The following CPEB1 variants were observed in gnomAD, a reference collection of about 807,000 sequenced individuals.
The protein encoded by CPEB1 is cytoplasmic polyadenylation element-binding protein 1.
In CPEB1, 7 loss-of-function variants were observed where a neutral mutation model predicts 65.8. The observed-to-expected ratio is 0.11, with a 90% confidence interval of 0.06 to 0.20. CPEB1 has a LOEUF of 0.20. Among genes scored for constraint, CPEB1 ranks in the 10% least tolerant of loss-of-function variants. The probability of loss-of-function intolerance (pLI) is 1.00; values close to 1 mark genes in which losing one functional copy is unlikely to be tolerated. For missense variants in CPEB1, 551 were observed against 712.2 expected (o/e 0.77, Z 2.58); for synonymous variants, 262 against 260.0 (o/e 1.01, Z -0.08).
chr15:82,581,494 C>T (rs783534), intron 3 of CPEB1, among the ~76,000 whole-genome samples: 80,249 of 151,906 alleles, frequency 0.53, 21,879 homozygotes, highest in African/African-American at 0.68. Flanking sequence ...CATATGGTAA[C>T]ACTATGTTTA....
intron 3 of CPEB1, among the ~76,000 whole-genome samples, chr15:82,614,161 T>C (rs2044462025): frequency 1.3e-5 from 2 of 151,866 alleles, no homozygotes; most frequent in Non-Finnish European, 1.5e-5. Context: ...CCTAACCACA[T>C]AAAAATATGG....
Position 82,556,154 on chromosome 15 carries a change from A to C in CPEB1, c.688-32T>G, listed in dbSNP as rs539323146. 25 of 1,565,906 alleles carry C rather than the reference A, an allele frequency of 1.6e-5. 1 individual carries two copies. The South Asian group carries it at 2.8e-4, about 18-fold the overall frequency. ...GAGGAAAAAGGAAGACAGGGTTTTA[A>C]AGGCTAGTTTTGTTATAAAGTAATA... On this transcript the variant is annotated intron_variant, in intron 5 of 12. Transcript: ENST00000684509.
intron 1 of CPEB1, among the ~76,000 whole-genome samples, chr15:82,637,255 T>TCTACATGACCCTACTCTTG (rs1246828142): frequency 6.6e-6 from 1 of 152,350 alleles, no homozygotes; most frequent in Admixed American, 6.5e-5. Context: ...GGACAGTTGG[T>TCTACATGACCCTACTCTTG]CTACATGACC....
intron 3 of CPEB1, among the ~76,000 whole-genome samples, chr15:82,613,912 G>A (rs950631831): frequency 6.6e-6 from 1 of 152,066 alleles, no homozygotes; most frequent in African/African-American, 2.4e-5. Flanking sequence ...CTGCCAGGAA[G>A]GGACTGGCCT....
At chr15:82,584,546 T>C (rs1031068326) in intron 3 of CPEB1, among the ~76,000 whole-genome samples, 1 of 151,596 alleles carries the variant, frequency 6.6e-6, no homozygotes, top group Non-Finnish European at 1.5e-5. Context: ...GGCGTGGTGG[T>C]GGGCACCTGT....
intron 2 of CPEB1, among the ~76,000 whole-genome samples, chr15:82,627,713 T>C (rs927141708): frequency 6.6e-6 from 1 of 152,192 alleles, no homozygotes; most frequent in African/African-American, 2.4e-5. Flanking sequence ...TGCTAACCTC[T>C]GGGCCTTAAG....
At chr15:82,609,040 A>G (rs2043886663) in intron 3 of CPEB1, among the ~76,000 whole-genome samples, 1 of 152,204 alleles carries the variant, frequency 6.6e-6, no homozygotes, top group African/African-American at 2.4e-5. Context: ...AACAGAAGGA[A>G]AACTGGAAAA....
chr15:82,581,536 C>A (rs78637256), intron 3 of CPEB1, among the ~76,000 whole-genome samples: 66 of 152,256 alleles, frequency 4.3e-4, no homozygotes, highest in African/African-American at 1.4e-3. Context: ...CTCTTTTCCC[C>A]AGCAGCAGTA....
At chr15:82,639,628 A>T (rs1353982507) in intron 1 of CPEB1, among the ~76,000 whole-genome samples, 3 of 152,204 alleles carry the variant, frequency 2.0e-5, no homozygotes, top group Non-Finnish European at 1.5e-5. Context: ...GTGTACAGAA[A>T]AGATTTAAAG....
chr15:82,553,430 G>T (rs1360507442), intron 8 of CPEB1, 37 bp downstream of exon 8: 4 of 1,526,864 alleles, frequency 2.6e-6, no homozygotes, highest in Non-Finnish European at 3.6e-6. Context: ...GGAAAAAAAA[G>T]CTCCTACCAT....
At position 82,571,504 on chromosome 15, in the gene CPEB1, T is replaced by G; in HGVS notation, c.300A>C (p.Thr100=). ...CAGAGGTTGGGAAAAGCATCCTGCT[T>G]GTAACTGTTTCTTCAGAGTCCTGGA... The part of the protein sequence containing the change: ...PDFQDSEETV[T]SRMLFPTSAQ... Residue 100 remains threonine (T), a synonymous_variant, in exon 4 of 13, where the codon ACA becomes ACC. Transcript: ENST00000684509. The G allele has an allele frequency of 6.2e-7, 1 of 1,614,052 alleles. No homozygotes were observed. Among genetic ancestry groups the G allele is most frequent in the Non-Finnish European group, 8.5e-7 (1 of 1,179,946 alleles).
chr15:82,612,611 T>A (rs1426491578), intron 3 of CPEB1, among the ~76,000 whole-genome samples: 1 of 147,004 alleles, frequency 6.8e-6, no homozygotes, highest in African/African-American at 2.5e-5. Flanking sequence ...CCAAGGCGGG[T>A]GGGTCATGAG....
intron 3 of CPEB1, among the ~76,000 whole-genome samples, chr15:82,576,967 G>A (rs959574816): frequency 6.6e-5 from 10 of 152,164 alleles, no homozygotes; most frequent in Non-Finnish European, 1.2e-4. Context: ...AGAGGATGCA[G>A]TGAGCTGAGA....
intron 3 of CPEB1, among the ~76,000 whole-genome samples, chr15:82,599,883 G>C (rs956096201): frequency 1.3e-5 from 2 of 151,722 alleles, no homozygotes; most frequent in African/African-American, 4.8e-5. Flanking sequence ...CTAGAATATA[G>C]AACCAAAATG....
intron 6 of CPEB1, among the ~76,000 whole-genome samples, chr15:82,555,278 T>C (rs2150966665): frequency 6.6e-6 from 1 of 152,384 alleles, no homozygotes; most frequent in East Asian, 1.9e-4. Context: ...TCTGCTTAAG[T>C]GCTGAGCCAC....
At chr15:82,597,724 A>T (rs1251087625) in intron 3 of CPEB1, among the ~76,000 whole-genome samples, 8 of 152,158 alleles carry the variant, frequency 5.3e-5, no homozygotes, top group Admixed American at 5.2e-4. Flanking sequence ...TTTCTTACAT[A>T]CAACTGAGTT....
At chr15:82,606,291 A>C (rs1226805579) in intron 3 of CPEB1, among the ~76,000 whole-genome samples, 1 of 150,466 alleles carries the variant, frequency 6.6e-6, no homozygotes, top group Non-Finnish European at 1.5e-5. Context: ...AACATGGCGA[A>C]ACCTTGTCTC....
chr15:82,562,521 T>C (rs2038399279), intron 4 of CPEB1: 1 of 196,692 alleles, frequency 5.1e-6, no homozygotes, highest in Non-Finnish European at 1.0e-5. Context: ...ATCTTTCATA[T>C]ATAATTATTT....
chr15:82,627,864 A>G (rs2045905448), intron 2 of CPEB1, among the ~76,000 whole-genome samples: 1 of 152,184 alleles, frequency 6.6e-6, no homozygotes, highest in South Asian at 2.1e-4. Flanking sequence ...TTTTTTTAAT[A>G]TATTAAAACA....
Sources: allele counts gnomAD v4.1 joint callset (sites outside exome capture counted in the v4.1 genomes callset), GRCh38; gene constraint gnomAD v4.1.1; transcripts MANE v1.5; gene names NCBI Gene and HGNC (gene_info 2026-07-23, HGNC 2026-07-21).